The following FRY variants were observed in gnomAD, a reference collection of about 807,000 sequenced individuals.
FRY encodes protein furry homolog.
FRY carries 128 observed loss-of-function variants against 348.4 expected under a neutral mutation model. That is an observed-to-expected ratio of 0.37 (90% CI 0.32 to 0.43). The LOEUF is 0.43. Among genes scored for constraint, FRY ranks in the 20% least tolerant of loss-of-function variants. FRY has a pLI of 1.00. For synonymous variants in FRY, 1,370 were observed against 1,374.7 expected (o/e 1.00, Z 0.08); for missense variants, 2,736 against 3,695.2 (o/e 0.74, Z 6.73).
Position 32,239,732 on chromosome 13 carries a change from C to G in FRY, c.6538C>G (p.Pro2180Ala). 6.2e-7 allele frequency: 1 copy of G among 1,612,990 alleles called. No homozygotes were observed. The highest frequency in any genetic ancestry group is 8.5e-7 in the Non-Finnish European group (1 of 1,179,148). ...AAAGGTTTGTTTAGAAGAGAAGAAC[C>G]CCAAACTTTCAAATCTTGCACATGT... ...IAQVCLEEKN[P>A]KLSNLAHVMT... The change falls in exon 46 of 61, where the codon CCC becomes GCC. Residue 2180 changes from proline to alanine, a missense_variant. This residue lies in a region of FRY where 789 missense variants were observed against 996.2 expected (regional missense o/e 0.79). Transcript: ENST00000542859. The surrounding 1 kb of genome is among the most constrained non-coding windows in gnomAD (Gnocchi z 4.3).
intron 55 of FRY, 51 bp downstream of exon 55, chr13:32,267,410 G>A (rs377612679): frequency 1.5e-5 from 23 of 1,507,280 alleles, no homozygotes; most frequent in Non-Finnish European, 1.9e-5. Context: ...AGGGGAGCCG[G>A]GTAACTTTGA....
chr13:32,141,389 AAC>A (rs1401336643), intron 11 of FRY, among the ~76,000 whole-genome samples: 1 of 152,254 alleles, frequency 6.6e-6, no homozygotes, highest in Non-Finnish European at 1.5e-5. Flanking sequence ...TGCAAAATAT[AAC>A]AAAGAAATAG....
chr13:32,056,142 G>A (rs559501616), intron 1 of FRY, among the ~76,000 whole-genome samples: 101 of 151,080 alleles, frequency 6.7e-4, no homozygotes, highest in African/African-American at 2.3e-3. Context: ...AGTGAGCTGA[G>A]GTCGCATCAC....
chr13:32,263,931 C>T (rs377645889), intron 53 of FRY, among the ~76,000 whole-genome samples: 56 of 152,182 alleles, frequency 3.7e-4, no homozygotes, highest in Admixed American at 2.9e-3. Context: ...TGCTTGAACC[C>T]GGGAAGCAGA....
chr13:32,044,083 G>A (rs1485582247), intron 1 of FRY, among the ~76,000 whole-genome samples: 1 of 151,868 alleles, frequency 6.6e-6, no homozygotes, highest in Non-Finnish European at 1.5e-5. Flanking sequence ...AGAAAAAAAA[G>A]GAATATGTAG....
At chr13:32,037,125 T>C (rs1490046644) in intron 1 of FRY, among the ~76,000 whole-genome samples, 2 of 152,006 alleles carry the variant, frequency 1.3e-5, no homozygotes, top group East Asian at 3.9e-4. Context: ...ACCTTAAGTG[T>C]TCACAAGTCT....
intron 35 of FRY, among the ~76,000 whole-genome samples, chr13:32,216,503 C>T (rs1259015123): frequency 6.6e-6 from 1 of 152,272 alleles, no homozygotes; most frequent in Middle Eastern, 3.4e-3. Flanking sequence ...CTTCCGGGTG[C>T]AGGCCCTCCA....
chr13:32,209,820 C>A, intron 33 of FRY, 89 bp downstream of exon 33: 1 of 1,306,910 alleles, frequency 7.7e-7, no homozygotes, highest in Non-Finnish European at 1.1e-6. Flanking sequence ...TTTGCTCCAG[C>A]TAAAATAGAA....
intron 14 of FRY, among the ~76,000 whole-genome samples, chr13:32,153,058 T>C (rs1222388536): frequency 6.6e-6 from 1 of 152,156 alleles, no homozygotes; most frequent in African/African-American, 2.4e-5. Flanking sequence ...CGAGATGTAC[T>C]GGGGAAGATA....
rs1885476049 is a variant in FRY, at chr13:32,224,397, G to A, written c.4916+12G>A. 1 of 1,612,556 alleles carries A rather than the reference G, an allele frequency of 6.2e-7. No individual in the cohort carries two copies. The highest frequency in any genetic ancestry group is 1.1e-5 in the South Asian group (1 of 90,880). ...GGGCCACTCCACAGGTGAGCAGCAT[G>A]TGTGGGGAGAAGGAAATCTTAGCTT... is the stretch of plus-strand genomic sequence containing the variant. On this transcript the variant is annotated intron_variant, in intron 37 of 60. Transcript: ENST00000542859.
In FRY at chr13:32,235,394, C is replaced by T. The variant is rs531458492; in HGVS notation, c.5715+633C>T. ...ATCCTAGCACTTTGAGAGGCCATGG[C>T]GGGCAGATCACTTGAGGCCAGGAGT... On this transcript the variant is annotated intron_variant, in intron 42 of 60. Transcript: ENST00000542859. 6.6e-4 allele frequency among the ~76,000 whole-genome samples: 101 copies of T among 152,312 alleles called. 3 individuals are homozygous for T. Among genetic ancestry groups the T allele is most frequent in the Middle Eastern group, 6.8e-3 (2 of 294 alleles).
At chr13:32,147,793 G>A (rs767414738) in intron 12 of FRY, 46 bp from the exon 13 acceptor site, 2 of 1,027,664 alleles carry the variant, frequency 1.9e-6, no homozygotes, top group South Asian at 2.5e-5. Context: ...AAGAACTGGA[G>A]CTCAGCCAAT....
chr13:32,284,578 A>C (rs1474933990), intron 58 of FRY, among the ~76,000 whole-genome samples: 1 of 152,206 alleles, frequency 6.6e-6, no homozygotes, highest in Non-Finnish European at 1.5e-5. Flanking sequence ...TTATCTTTCA[A>C]AGCTTTGAGG....
intron 49 of FRY, among the ~76,000 whole-genome samples, chr13:32,251,156 T>A (rs1393793854): frequency 2.0e-5 from 3 of 152,148 alleles, no homozygotes; most frequent in Non-Finnish European, 4.4e-5. Flanking sequence ...TTAGGAAGAT[T>A]GCTTTAAAAA....
Position 32,037,027 on chromosome 13 carries a change from TACACACAC to T in FRY, c.70+5186_70+5193del, listed in dbSNP as rs63370460. Among the ~76,000 whole-genome samples the T allele has an allele frequency of 3.4e-3, 340 of 99,596 alleles. 3 individuals are homozygous for T. The highest frequency in any genetic ancestry group is 0.013 in the African/African-American group (323 of 25,490). The allele number at this position is 99,596 out of a possible 152,430, so 65.3% of individuals were successfully genotyped here. A position where few individuals can be genotyped will look rare whatever the true frequency, so the allele number is the denominator to read the frequency against. On this transcript the variant is annotated intron_variant, in intron 1 of 60. Transcript: ENST00000542859. Reference sequence around the variant, plus strand: ...TCTCTGTTTCTCTCTCTCTCTGTTTTACACACACACACACACACACACACACACACAAA... The same window carrying T: ...TCTCTGTTTCTCTCTCTCTCTGTTTTACACACACACACACACACACACAAA...
Position 32,201,948 on chromosome 13 carries a change from C to A in FRY, c.3754C>A (p.Pro1252Thr), listed in dbSNP as rs1272600996. The change falls in exon 30 of 61, where the codon CCC becomes ACC. Residue 1252 changes from proline to threonine, a missense_variant. Physicochemically the swap from Pro to Thr is conservative, Grantham distance 38. Transcript: ENST00000542859. ...IATVCGSRNY[P>T]FDIVTLLNLV... ...GTTCTGTTGTGTTTTTAGGAACTATCCCTTCGACATAGTGACATTGTTAAA... is the reference window on the plus strand; with the variant it reads ...GTTCTGTTGTGTTTTTAGGAACTATACCTTCGACATAGTGACATTGTTAAA... 6.4e-7 allele frequency: 1 copy of A among 1,554,228 alleles called. No individual in the cohort carries two copies. Among genetic ancestry groups the A allele is most frequent in the Non-Finnish European group, 8.9e-7 (1 of 1,125,562 alleles).
intron 36 of FRY, among the ~76,000 whole-genome samples, chr13:32,221,602 T>A (rs1885318894): frequency 6.6e-6 from 1 of 152,232 alleles, no homozygotes; most frequent in Non-Finnish European, 1.5e-5. Context: ...AGCCTCTACC[T>A]CTGGGGTGCA....
At chr13:32,179,471 G>A (rs1414593292) in intron 22 of FRY, among the ~76,000 whole-genome samples, 1 of 147,072 alleles carries the variant, frequency 6.8e-6, no homozygotes, top group African/African-American at 2.5e-5. Flanking sequence ...TGTGTTCCAG[G>A]TGAGAATTGC....
intron 3 of FRY, among the ~76,000 whole-genome samples, chr13:32,105,362 A>G (rs1464575844): frequency 6.6e-6 from 1 of 152,156 alleles, no homozygotes; most frequent in East Asian, 1.9e-4. Flanking sequence ...CCTGCTGGTG[A>G]CTTGATCTTG....
Sources: allele counts gnomAD v4.1 joint callset (sites outside exome capture counted in the v4.1 genomes callset), GRCh38; gene constraint gnomAD v4.1.1; regional missense constraint gnomAD v4.1.1; non-coding constraint Gnocchi (gnomAD v3.1); transcripts MANE v1.5; gene names NCBI Gene and HGNC (gene_info 2026-07-23, HGNC 2026-07-21).